The following KRT85 variants were observed in gnomAD, a reference collection of about 807,000 sequenced individuals.
KRT85 encodes the protein keratin, type II cuticular Hb5.
Under a neutral mutation model 53.7 loss-of-function variants are expected in KRT85, and 39 were observed. The observed-to-expected ratio is 0.73, with a 90% CI of 0.56 to 0.95. The LOEUF (loss-of-function observed/expected upper bound fraction) is 0.95. KRT85 is among the 40% of genes least tolerant of loss of function. KRT85 has a pLI of 0.00. For missense variants in KRT85, 668 were observed against 686.0 expected (o/e 0.97, Z 0.29); for synonymous variants, 291 against 277.5 (o/e 1.05, Z -0.48).
chr12:52,363,373 G>A lies in KRT85; in HGVS notation c.824C>T (p.Ser275Leu), dbSNP rs755483972. Residue 275 changes from serine (S) to leucine (L), a missense_variant, in exon 5 of 9, where the codon TCG (serine) becomes TTG (leucine). Around this residue, in one of 3 missense-constraint regions of KRT85, gnomAD observed 488 missense variants for 498.1 expected, o/e 0.98. Transcript: ENST00000257901. ...GCTGTTGTCCATCTTGACTATGACC[G>A]AGGTGTCTGAGATGTGGGCTTGGAG... is the stretch of plus-strand genomic sequence containing the variant. ...RVLQAHISDT[S>L]VIVKMDNSRD... is the part of the protein sequence containing the mutation. 55 of 1,613,984 alleles carry A rather than the reference G, an allele frequency of 3.4e-5. No homozygotes were observed. The highest frequency in any genetic ancestry group is 4.0e-5 in the Non-Finnish European group (47 of 1,180,030).
chr12:52,362,433 C>T lies in KRT85; in HGVS notation c.1116G>A (p.Gln372=). 1.2e-6 allele frequency: 2 copies of T among 1,614,198 alleles called. No individual in the cohort carries two copies. The highest frequency in any genetic ancestry group is 2.2e-5 in the South Asian group (2 of 91,086). The change falls in exon 7 of 9, where the codon CAG becomes CAA. Residue 372 remains glutamine (Q), a synonymous_variant. Transcript: ENST00000257901. Reference sequence around the variant, plus strand: ...CATCGCTGAGGGCCGCCTCACCCTGCTGCTCTGCCTCAGCCACAGCAGCCT... The same window carrying T: ...CATCGCTGAGGGCCGCCTCACCCTGTTGCTCTGCCTCAGCCACAGCAGCCT... The part of the protein sequence containing the change: ...KLEAAVAEAE[Q]QGEAALSDAR...
Position 52,367,319 on chromosome 12 carries a change from G to A in KRT85, c.87C>T (p.Gly29=). 6.2e-7 allele frequency: 1 copy of A among 1,613,988 alleles called. No individual in the cohort carries two copies. The highest frequency in any genetic ancestry group is 8.5e-7 in the Non-Finnish European group (1 of 1,179,924). Residue 29 remains glycine (G), a synonymous_variant, in exon 1 of 9, where the codon GGC becomes GGT. Transcript: ENST00000257901. ...SSCSAVAPKT[G]NRCCISAAPY... is the part of the protein sequence containing the mutation. ...GGGCGGCGCTGATGCAGCAGCGGTT[G>A]CCAGTTTTGGGGGCCACAGCTGAGC...
rs147409053 is a variant in KRT85, at chr12:52,367,069, C to T, written c.337G>A (p.Asp113Asn). The T allele has an allele frequency of 4.3e-6, 7 of 1,613,584 alleles. No individual in the cohort carries two copies. In the Admixed American group the frequency reaches 5.0e-5, roughly 12 times the overall value. ...TGCTTCACGCACTGTGCGTTGGGGT[C>T]GATCTCCAGGTTGAGGGGCGTGAGG... ...SLLTPLNLEIDPNAQCVKQEE... is the reference protein window; with the variant it reads ...SLLTPLNLEINPNAQCVKQEE... Residue 113 changes from aspartate (D) to asparagine (N), a missense_variant, in exon 1 of 9, where the codon GAC becomes AAC. This residue lies in a region of KRT85 where 22 missense variants were observed against 46.0 expected (regional missense o/e 0.48). Coordinates refer to ENST00000257901, the MANE Select transcript of KRT85 (RefSeq NM_002283.4).
chr12:52,363,246 C>T lies in KRT85; in HGVS notation c.951G>A (p.Lys317=). Residue 317 remains lysine, a splice_region_variant and synonymous_variant, in exon 5 of 9, where the codon AAG becomes AAA. Coordinates refer to ENST00000257901, the MANE Select transcript of KRT85 (RefSeq NM_002283.4). ...RAEAESWYRS[K]CEEMKATVIR... ...CAGGCAGGTGTCCTGTGCCACTCAC[C>T]TTGCTACGGTACCAGGACTCAGCCT... 1.2e-6 allele frequency: 2 copies of T among 1,614,206 alleles called. No individual in the cohort carries two copies. Among genetic ancestry groups the T allele is most frequent in the Non-Finnish European group, 1.7e-6 (2 of 1,180,034 alleles).
intron 1 of KRT85, 74 bp downstream of exon 1, chr12:52,366,912 C>T: frequency 6.2e-7 from 1 of 1,612,468 alleles, no homozygotes; most frequent in Non-Finnish European, 8.5e-7. Flanking sequence ...CATCCTGTCT[C>T]CTCAGCAGAC....
intron 6 of KRT85, 149 bp from the exon 7 acceptor site, chr12:52,362,620 A>G (rs1397428997): frequency 3.3e-6 from 4 of 1,208,616 alleles, no homozygotes; most frequent in Non-Finnish European, 4.8e-6. Flanking sequence ...AATATGAGGG[A>G]GGAGATGGGT....
In KRT85 at chr12:52,363,287, T is replaced by C; in HGVS notation, c.910A>G (p.Ser304Gly). 1 of 1,614,212 alleles carries C rather than the reference T, an allele frequency of 6.2e-7. No individual in the cohort carries two copies. The highest frequency in any genetic ancestry group is 8.5e-7 in the Non-Finnish European group (1 of 1,180,028). Residue 304 changes from serine (S) to glycine (G), a missense_variant, in exon 5 of 9, where the codon AGC becomes GGC. Physicochemically the swap from Ser to Gly is moderately conservative, Grantham distance 56. This residue lies in a region of KRT85 where 488 missense variants were observed against 498.1 expected (regional missense o/e 0.98). Transcript: ENST00000257901. Reference protein sequence around the residue: ...EIKAQYDDVASRSRAEAESWY... With the variant: ...EIKAQYDDVAGRSRAEAESWY... Reference sequence around the variant, plus strand: ...GACTCAGCCTCGGCCCGGCTGCGGCTGGCAACATCGTCATACTGAGCCTTG... The same window carrying C: ...GACTCAGCCTCGGCCCGGCTGCGGCCGGCAACATCGTCATACTGAGCCTTG...
At chr12:52,364,849 C>A in intron 2 of KRT85, 113 bp downstream of exon 2, 2 of 1,584,824 alleles carry the variant, frequency 1.3e-6, no homozygotes, top group Non-Finnish European at 1.7e-6. Flanking sequence ...GCTCTGGGTT[C>A]CAGGCAGCCT....
Position 52,364,350 on chromosome 12 carries a change from C to T in KRT85, c.646G>A (p.Ala216Thr). The T allele has an allele frequency of 6.2e-7, 1 of 1,614,184 alleles. No homozygotes were observed. Among genetic ancestry groups the T allele is most frequent in the Non-Finnish European group, 8.5e-7 (1 of 1,180,036 alleles). The change falls in exon 3 of 9, where the codon GCC (alanine) becomes ACC (threonine). Residue 216 changes from alanine to threonine, a missense_variant. Ala to Thr is a moderately conservative substitution (Grantham distance 58). Transcript: ENST00000257901. ...TCATTCTCTGCTGTGGCTCTCAGGG[C>T]CACCTCCTCTTCATACCTGGGTGTG... ...GYKKKYEEEV[A>T]LRATAENEFV...
rs1243599228 is a variant in KRT85, at chr12:52,362,870, T to C, written c.1061A>G (p.Glu354Gly). ...AGACCCCACCTGGCACTTGGCATTC[T>C]CAATCTCGGCCGTCAGCCTCTGGAT... ...RMIQRLTAEI[E>G]NAKCQRAKLE... Residue 354 changes from glutamate (E) to glycine (G), a missense_variant, in exon 6 of 9, where the codon GAG (glutamate) becomes GGG (glycine). This residue lies in a region of KRT85 where 488 missense variants were observed against 498.1 expected (regional missense o/e 0.98). Coordinates refer to ENST00000257901, the MANE Select transcript of KRT85 (RefSeq NM_002283.4). The C allele has an allele frequency of 1.2e-6, 2 of 1,614,158 alleles. No individual in the cohort carries two copies. Among genetic ancestry groups the C allele is most frequent in the East Asian group, 4.5e-5 (2 of 44,874 alleles).
At position 52,360,492 on chromosome 12, in the gene KRT85, G is replaced by A; in HGVS notation, c.*361C>T. On this transcript the variant is annotated 3_prime_UTR_variant, in exon 9 of 9. Transcript: ENST00000257901. Reference sequence around the variant, plus strand: ...GTGGCCTGGCTGGATGGTTAGGATGGCGCCTCCACCCAGAAGGTGGAGCTT... The same window carrying A: ...GTGGCCTGGCTGGATGGTTAGGATGACGCCTCCACCCAGAAGGTGGAGCTT... 1 of 299,360 alleles carries A rather than the reference G, an allele frequency of 3.3e-6. No homozygotes were observed. Among genetic ancestry groups the A allele is most frequent in the Non-Finnish European group, 6.4e-6 (1 of 156,254 alleles). 18.5% of individuals were successfully genotyped at this position (299,360 alleles called of 1,614,324 possible).
Position 52,365,106 on chromosome 12 carries a change from C to T in KRT85, c.485G>A (p.Arg162His), listed in dbSNP as rs769002191. 30 of 1,614,100 alleles carry T rather than the reference C, an allele frequency of 1.9e-5. No homozygotes were observed. Among genetic ancestry groups the T allele is most frequent in the Middle Eastern group, 1.7e-4 (1 of 6,036 alleles). Residue 162 changes from arginine (R) to histidine (H), a missense_variant, in exon 2 of 9, where the codon CGC (arginine) becomes CAC (histidine). By Grantham distance (29) the Arg-to-His change is conservative (BLOSUM62 0). This residue lies in a region of KRT85 where 488 missense variants were observed against 498.1 expected (regional missense o/e 0.98). Coordinates refer to ENST00000257901, the MANE Select transcript of KRT85 (RefSeq NM_002283.4). Reference protein sequence around the residue: ...ETKWQFYQNQRCCESNLEPLF... With the variant: ...ETKWQFYQNQHCCESNLEPLF... ...TGGCTCCAGGTTGCTCTCGCAGCAG[C>T]GCTGGTTCTGGTAGAACTGCCACTT...
In KRT85 at chr12:52,364,272, C is replaced by T. The variant is rs898528736; in HGVS notation, c.690+34G>A. On this transcript the variant is annotated intron_variant, in intron 3 of 8. Coordinates refer to ENST00000257901, the MANE Select transcript of KRT85 (RefSeq NM_002283.4). ...CCTCGCTGGAGTTTGCACTGATGGG[C>T]CCCCTCCTCCTTGCCCCATGACCAG... 5.6e-6 allele frequency: 9 copies of T among 1,613,780 alleles called. No individual in the cohort carries two copies. The African/African-American group carries it at 1.1e-4, about 19-fold the overall frequency.
rs371690236 is a variant in KRT85, at chr12:52,360,502, C to A, written c.*351G>T. On this transcript the variant is annotated 3_prime_UTR_variant, in exon 9 of 9. Transcript: ENST00000257901. ...TGGATGGTTAGGATGGCGCCTCCAC[C>A]CAGAAGGTGGAGCTTCCGTGCTGAC... is the stretch of plus-strand genomic sequence containing the variant. 2.6e-4 allele frequency: 82 copies of A among 311,438 alleles called. No homozygotes were observed. In the East Asian group the frequency reaches 6.0e-3, roughly 23 times the overall value. The allele number at this position is 311,438 out of a possible 1,614,324, so 19.3% of individuals were successfully genotyped here. A position where few individuals can be genotyped will look rare whatever the true frequency, so the allele number is the denominator to read the frequency against.
At position 52,360,493 on chromosome 12, in the gene KRT85, C is replaced by T. The variant is rs919403827; in HGVS notation, c.*360G>A. 2.7e-5 allele frequency: 8 copies of T among 296,776 alleles called. No individual in the cohort carries two copies. The highest frequency in any genetic ancestry group is 4.5e-5 in the Non-Finnish European group (7 of 154,902). 18.4% of individuals were successfully genotyped at this position (296,776 alleles called of 1,614,324 possible). A position where few individuals can be genotyped will look rare whatever the true frequency, so the allele number is the denominator to read the frequency against. On this transcript the variant is annotated 3_prime_UTR_variant, in exon 9 of 9. Transcript: ENST00000257901. ...TGGCCTGGCTGGATGGTTAGGATGG[C>T]GCCTCCACCCAGAAGGTGGAGCTTC...
In KRT85 at chr12:52,362,847, A is replaced by G. The variant is rs1219145705; in HGVS notation, c.1077+7T>C. 1 of 1,613,254 alleles carries G rather than the reference A, an allele frequency of 6.2e-7. No homozygotes were observed. The highest frequency in any genetic ancestry group is 8.5e-7 in the Non-Finnish European group (1 of 1,179,800). ...TGCTGCGTATTTGAATCCTCCACAGACCCCACCTGGCACTTGGCATTCTCA... is the reference window on the plus strand; with the variant it reads ...TGCTGCGTATTTGAATCCTCCACAGGCCCCACCTGGCACTTGGCATTCTCA... On this transcript the variant is annotated splice_region_variant and intron_variant, in intron 6 of 8. Coordinates refer to ENST00000257901, the MANE Select transcript of KRT85 (RefSeq NM_002283.4).
chr12:52,364,367 C>G lies in KRT85; in HGVS notation c.630-1G>C, dbSNP rs1320035200. ...TCTCAGGGCCACCTCCTCTTCATAC[C>G]TGGGTGTGGGAGAGAGAAGGTCTGG... is the stretch of plus-strand genomic sequence containing the variant. On this transcript the variant is annotated splice_acceptor_variant, in intron 2 of 8. Transcript: ENST00000257901. LOFTEE classifies it high-confidence loss of function. The G allele has an allele frequency of 6.2e-7, 1 of 1,614,194 alleles. No homozygotes were observed. Among genetic ancestry groups the G allele is most frequent in the Non-Finnish European group, 8.5e-7 (1 of 1,180,026 alleles).
At chr12:52,363,018 GC>G in intron 5 of KRT85, 39 bp from the exon 6 acceptor site, 4 of 1,614,008 alleles carry the variant, frequency 2.5e-6, no homozygotes, top group Middle Eastern at 1.7e-4. Context: ...TCAGGGTGGG[GC>G]CCCCCATCCA....
intron 6 of KRT85, 136 bp from the exon 7 acceptor site, chr12:52,362,607 G>T: frequency 8.1e-7 from 1 of 1,236,278 alleles, no homozygotes; most frequent in Non-Finnish European, 1.2e-6. Flanking sequence ...TAATGGGGCT[G>T]TGAATATGAG....
Sources: allele counts gnomAD v4.1 joint callset, GRCh38; gene constraint gnomAD v4.1.1; regional missense constraint gnomAD v4.1.1; transcripts MANE v1.5; gene names NCBI Gene and HGNC (gene_info 2026-07-23, HGNC 2026-07-21).